DNAJC14: variants seen among roughly 807,000 people sequenced by gnomAD.
DNAJC14 encodes dnaJ homolog subfamily C member 14.
In DNAJC14, 12 loss-of-function variants were observed where a neutral mutation model predicts 68.8. The observed-to-expected ratio is 0.17, with a 90% CI of 0.11 to 0.28. DNAJC14 has a LOEUF of 0.28. DNAJC14 is among the 10% of genes least tolerant of loss of function. The pLI is 1.00. For synonymous variants in DNAJC14, 350 were observed against 321.5 expected (o/e 1.09, Z -0.95); for missense variants, 764 against 875.6 (o/e 0.87, Z 1.61).
rs774948148 is a variant in DNAJC14, at chr12:55,823,409, A to G, written c.1507T>C (p.Tyr503His). 28 of 1,613,682 alleles carry G rather than the reference A, an allele frequency of 1.7e-5. No homozygotes were observed. The South Asian group carries it at 1.9e-4, about 11-fold the overall frequency. The change falls in exon 3 of 7, where the codon TAT (tyrosine) becomes CAT (histidine). Residue 503 changes from tyrosine (Y) to histidine (H), a missense_variant. Transcript: ENST00000678005. ...TTCCCATCTCCAACTTACATCTCAT[A>G]CTCCTTTCGCTTTTCAGCATTGCTG... ...IVSNAEKRKE[Y>H]EMKRMAENEL...
chr12:55,829,151 G>A (rs1880892295), intron 1 of DNAJC14: 22 of 986,464 alleles, frequency 2.2e-5, no homozygotes, highest in Non-Finnish European at 2.5e-5. Flanking sequence ...CGGCTGTGTA[G>A]AAGGGACGAA....
In DNAJC14 at chr12:55,823,171, A is replaced by G. The variant is rs377184577; in HGVS notation, c.1533T>C (p.Asn511=). 1 of 1,614,052 alleles carries G rather than the reference A, an allele frequency of 6.2e-7. No homozygotes were observed. The highest frequency in any genetic ancestry group is 1.3e-5 in the African/African-American group (1 of 74,926). ...KEYEMKRMAE[N]ELSRSVNEFL... ...ACTCATTTACTGACCGGCTCAGCTC[A>G]TTCTCTGCCATTCGTTTCCTAATAG... is the stretch of plus-strand genomic sequence containing the variant. The change falls in exon 4 of 7, where the codon AAT becomes AAC. Residue 511 remains asparagine, a synonymous_variant. Coordinates refer to ENST00000678005, the MANE Select transcript of DNAJC14 (RefSeq NM_032364.6).
intron 1 of DNAJC14, 39 bp from the exon 2 acceptor site, chr12:55,828,753 A>C: frequency 6.9e-7 from 1 of 1,454,516 alleles, no homozygotes; most frequent in Non-Finnish European, 9.1e-7. Context: ...CAAGGATGAG[A>C]CCAAGAGAGG....
At chr12:55,829,626 G>A, upstream of DNAJC14, 1 of 984,454 alleles carries the variant, frequency 1.0e-6, no homozygotes, top group Non-Finnish European at 1.2e-6. Context: ...GGCGACCTGG[G>A]CCTACTTCCA....
rs766479718 is a variant in DNAJC14, at chr12:55,822,164, G to A, written c.1922C>T (p.Ala641Val). 1.2e-6 allele frequency: 2 copies of A among 1,600,886 alleles called. No individual in the cohort carries two copies. The highest frequency in any genetic ancestry group is 1.7e-6 in the Non-Finnish European group (2 of 1,173,394). ...CCGACTCAAGAAATCCTGAAGATCA[G>A]CAGGAGGGGCATCTGGGGTGGCTCT... ...RQRATPDAPP[A>V]DLQDFLSRIF... The change falls in exon 7 of 7, where the codon GCT becomes GTT. Residue 641 changes from alanine (A) to valine (V), a missense_variant. Ala to Val is a moderately conservative substitution (Grantham distance 64). Coordinates refer to ENST00000678005, the MANE Select transcript of DNAJC14 (RefSeq NM_032364.6).
intron 1 of DNAJC14, chr12:55,829,035 A>AG: frequency 1.1e-6 from 1 of 897,380 alleles, no homozygotes; most frequent in Non-Finnish European, 1.3e-6. Context: ...ACCGCCGGAA[A>AG]GGGGGCCACA....
chr12:55,829,522 G>A lies in DNAJC14; in HGVS notation c.-90C>T. On this transcript the variant is annotated 5_prime_UTR_variant, in exon 1 of 7. Coordinates refer to ENST00000678005, the MANE Select transcript of DNAJC14 (RefSeq NM_032364.6). Reference sequence around the variant, plus strand: ...GGCGGTAACTCCTCCCCCTCGAGCCGCCCGGCCTGGGGCCAGGGTGAGCTA... The same window carrying A: ...GGCGGTAACTCCTCCCCCTCGAGCCACCCGGCCTGGGGCCAGGGTGAGCTA... The A allele has an allele frequency of 4.1e-6, 4 of 983,014 alleles. No homozygotes were observed. The highest frequency in any genetic ancestry group is 4.8e-6 in the Non-Finnish European group (4 of 829,460). 60.9% of individuals were successfully genotyped at this position (983,014 alleles called of 1,614,324 possible).
upstream of DNAJC14, chr12:55,830,588 G>C (rs1880956824): frequency 6.6e-6 from 1 of 152,222 alleles, no homozygotes; most frequent in Admixed American, 6.5e-5. Context: ...GCTGAAGCTA[G>C]GGGGGCGCTG....
chr12:55,824,331 C>A (rs560311425), intron 2 of DNAJC14, among the ~76,000 whole-genome samples: 2 of 152,248 alleles, frequency 1.3e-5, no homozygotes, highest in African/African-American at 4.8e-5. Flanking sequence ...CAGTGATATG[C>A]CTTTCAGTCC....
At chr12:55,830,593 G>T (rs1269705842), upstream of DNAJC14, 1 of 152,300 alleles carries the variant, frequency 6.6e-6, no homozygotes, top group South Asian at 2.1e-4. Flanking sequence ...AGCTAGGGGG[G>T]CGCTGGGACC....
intron 6 of DNAJC14, 50 bp downstream of exon 6, chr12:55,822,323 G>A (rs201116587): frequency 2.8e-5 from 44 of 1,585,074 alleles, no homozygotes; most frequent in East Asian, 4.5e-5. Flanking sequence ...ATCTGAAACC[G>A]TATTCAAAAC....
Position 55,821,879 on chromosome 12 carries a change from A to G in DNAJC14, c.*98T>C. On this transcript the variant is annotated 3_prime_UTR_variant, in exon 7 of 7. Coordinates refer to ENST00000678005, the MANE Select transcript of DNAJC14 (RefSeq NM_032364.6). ...TCAAAAAATAAAAAGAAAAAGATTC[A>G]GTTCCTAGGTGTTGGGGGAGGAGGG... 2 of 1,262,958 alleles carry G rather than the reference A, an allele frequency of 1.6e-6. No homozygotes were observed. Among genetic ancestry groups the G allele is most frequent in the Non-Finnish European group, 2.2e-6 (2 of 921,896 alleles). 78.2% of individuals were successfully genotyped at this position (1,262,958 alleles called of 1,614,324 possible). A position where few individuals can be genotyped will look rare whatever the true frequency, so the allele number is the denominator to read the frequency against.
chr12:55,823,250 T>C (rs1592592768), intron 3 of DNAJC14, 61 bp from the exon 4 acceptor site: 2 of 1,611,424 alleles, frequency 1.2e-6, no homozygotes, highest in Middle Eastern at 1.7e-4. Flanking sequence ...GGAAGACATA[T>C]CAGTTGGCCT....
chr12:55,827,704 G>T lies in DNAJC14; in HGVS notation c.955C>A (p.Leu319Met), dbSNP rs766520585. Residue 319 changes from leucine to methionine, a missense_variant, in exon 2 of 7, where the codon CTG becomes ATG. Transcript: ENST00000678005. ...LSQGFYCGVG[L>M]FTRFLKLLGA... Reference sequence around the variant, plus strand: ...AGCAGCTTAAGAAAACGAGTAAACAGTCCTACTCCACAGTAAAACCCCTGG... The same window carrying T: ...AGCAGCTTAAGAAAACGAGTAAACATTCCTACTCCACAGTAAAACCCCTGG... 6.9e-5 allele frequency: 112 copies of T among 1,614,006 alleles called. No homozygotes were observed. Among genetic ancestry groups the T allele is most frequent in the Non-Finnish European group, 8.2e-5 (97 of 1,180,014 alleles).
intron 1 of DNAJC14, 114 bp from the exon 2 acceptor site, chr12:55,828,828 T>G (rs901523751): frequency 1.5e-6 from 2 of 1,301,664 alleles, no homozygotes; most frequent in Non-Finnish European, 2.0e-6. Context: ...CCCAAGTTCT[T>G]TTGGGGCATT....
intron 2 of DNAJC14, 37 bp downstream of exon 2, chr12:55,827,215 A>T: frequency 7.1e-7 from 1 of 1,401,468 alleles, no homozygotes; most frequent in Non-Finnish European, 9.3e-7. Flanking sequence ...AAAATATGGG[A>T]ACAAAAGAGA....
chr12:55,828,007 G>C lies in DNAJC14; in HGVS notation c.652C>G (p.Pro218Ala), dbSNP rs369901121. The stretch of plus-strand genomic sequence containing the variant: ...TTCCGACCCAGCCGATGTCGACCAG[G>C]GGACCTGGGATCCCTACGTCCACCC... ...REGGRRDPRS[P>A]GRHRLGRKRS... Residue 218 changes from proline to alanine, a missense_variant, in exon 2 of 7, where the codon CCT (proline) becomes GCT (alanine). Physicochemically the swap from Pro to Ala is conservative, Grantham distance 27 (BLOSUM62 -1). Around this residue, in one of 4 missense-constraint regions of DNAJC14, gnomAD observed 514 missense variants for 521.7 expected, o/e 0.99. Transcript: ENST00000678005. 1 of 1,613,518 alleles carries C rather than the reference G, an allele frequency of 6.2e-7. No homozygotes were observed. Among genetic ancestry groups the C allele is most frequent in the Non-Finnish European group, 8.5e-7 (1 of 1,179,932 alleles).
At chr12:55,824,615 C>T (rs756347357) in intron 2 of DNAJC14, among the ~76,000 whole-genome samples, 1 of 152,196 alleles carries the variant, frequency 6.6e-6, no homozygotes, top group Non-Finnish European at 1.5e-5. Context: ...CCCAGAGACA[C>T]TCTGGTCCAG....
At chr12:55,822,803 C>T in intron 4 of DNAJC14, 71 bp from the exon 5 acceptor site, 1 of 1,561,564 alleles carries the variant, frequency 6.4e-7, no homozygotes, top group South Asian at 1.2e-5. Context: ...GTAGTCTTAC[C>T]ATTATTCACA....
Sources: allele counts gnomAD v4.1 joint callset (sites outside exome capture counted in the v4.1 genomes callset), GRCh38; gene constraint gnomAD v4.1.1; regional missense constraint gnomAD v4.1.1; transcripts MANE v1.5; gene names NCBI Gene and HGNC (gene_info 2026-07-23, HGNC 2026-07-21).